Variants in RIMBP2 observed in about 807,000 individuals in gnomAD.
RIMBP2 encodes RIMS-binding protein 2.
Under a neutral mutation model 118.6 loss-of-function variants are expected in RIMBP2, and 48 were observed. The ratio of observed to expected loss-of-function variants is 0.40; its 90% CI spans 0.32 to 0.51. The LOEUF (loss-of-function observed/expected upper bound fraction) is 0.51. RIMBP2 is among the 20% of genes least tolerant of loss of function. The probability of loss-of-function intolerance (pLI) is 0.41; values close to 1 mark genes in which losing one functional copy is unlikely to be tolerated. For synonymous variants in RIMBP2, 762 were observed against 742.9 expected, an observed-to-expected ratio of 1.03 and a Z score of -0.42; for missense variants, 1,551 against 1,768.3, an observed-to-expected ratio of 0.88 and a Z score of 2.20.
At chr12:130,594,441 T>C (rs553254853) in intron 2 of RIMBP2, among the ~76,000 whole-genome samples, 2 of 152,376 alleles carry the variant, frequency 1.3e-5, no homozygotes, top group East Asian at 3.9e-4. Flanking sequence ...GAGGTTTACT[T>C]GTATAATACT....
intron 2 of RIMBP2, among the ~76,000 whole-genome samples, chr12:130,589,305 CTTTGTTCTGT>C (rs1375799155): frequency 6.6e-6 from 1 of 152,172 alleles, no homozygotes; most frequent in Non-Finnish European, 1.5e-5. Context: ...ACAACACACG[CTTTGTTCTGT>C]TTTGTTTTGC....
chr12:130,701,723 A>C (rs1703521115), intron 1 of RIMBP2, among the ~76,000 whole-genome samples: 1 of 152,022 alleles, frequency 6.6e-6, no homozygotes, highest in African/African-American at 2.4e-5. Context: ...TGCAAAATTC[A>C]TTGTTTTTCT....
Position 130,447,803 on chromosome 12 carries a change from G to A in RIMBP2, c.581+2397C>T, listed in dbSNP as rs1202662717. Among the ~76,000 whole-genome samples, 2 of 152,194 alleles carry A rather than the reference G, an allele frequency of 1.3e-5. No homozygotes were observed. Among genetic ancestry groups the A allele is most frequent in the East Asian group, 3.9e-4 (2 of 5,190 alleles). ...CCCCACGGCGGAGGCTGCACCAGAT[G>A]GAAGGGAGGAGACATGGACACAGAG... On this transcript the variant is annotated intron_variant, in intron 9 of 22. Coordinates refer to ENST00000690449, the MANE Select transcript of RIMBP2 (RefSeq NM_001393629.1). This position sits in a 1 kb window ranked among gnomAD's most constrained non-coding sequence, Gnocchi z 4.4.
At position 130,464,496 on chromosome 12, in the gene RIMBP2, C is replaced by T. The variant is rs112983835; in HGVS notation, c.153+6197G>A. On this transcript the variant is annotated intron_variant, in intron 6 of 22. Transcript: ENST00000690449. Reference sequence around the variant, plus strand: ...AATACCTACTATGTGCCAGGCCCTACGTGATTTCATTGATCACTGGCTGAA... The same window carrying T: ...AATACCTACTATGTGCCAGGCCCTATGTGATTTCATTGATCACTGGCTGAA... 8.6e-5 allele frequency among the ~76,000 whole-genome samples: 13 copies of T among 151,722 alleles called. 1 individual carries two copies. The highest frequency in any genetic ancestry group is 1.2e-4 in the African/African-American group (5 of 41,372).
intron 1 of RIMBP2, among the ~76,000 whole-genome samples, chr12:130,693,165 C>T (rs558255225): frequency 1.3e-5 from 2 of 152,124 alleles, no homozygotes; most frequent in Non-Finnish European, 2.9e-5. Flanking sequence ...AAACACTCGT[C>T]TGTCTCCCCA....
At chr12:130,399,863 C>T in intron 21 of RIMBP2, 50 bp from the exon 22 acceptor site, 2 of 1,602,922 alleles carry the variant, frequency 1.2e-6, no homozygotes, top group Non-Finnish European at 1.7e-6. Flanking sequence ...TCTAGAAACC[C>T]ACATCTTGCT....
chr12:130,642,969 G>A (rs2062690762), intron 1 of RIMBP2, among the ~76,000 whole-genome samples: 1 of 152,184 alleles, frequency 6.6e-6, no homozygotes, highest in African/African-American at 2.4e-5. Flanking sequence ...TCCCCAGAAT[G>A]GCATGAATTT....
chr12:130,568,222 T>C (rs11061001), intron 2 of RIMBP2, among the ~76,000 whole-genome samples: 82,166 of 151,996 alleles, frequency 0.54, 23,310 homozygotes, highest in Middle Eastern at 0.65. Flanking sequence ...CCAACCAACC[T>C]TGCAAGAGGG....
intron 1 of RIMBP2, among the ~76,000 whole-genome samples, chr12:130,664,611 G>A (rs1469495584): frequency 6.6e-6 from 1 of 151,538 alleles, no homozygotes; most frequent in Non-Finnish European, 1.5e-5. Flanking sequence ...AGAAGCACGG[G>A]CTCCTTCAGG....
At chr12:130,672,225 A>T (rs554849780) in intron 1 of RIMBP2, among the ~76,000 whole-genome samples, 2 of 152,346 alleles carry the variant, frequency 1.3e-5, no homozygotes, top group African/African-American at 4.8e-5. Flanking sequence ...TTCTAAGGAA[A>T]TTTCCACAGA....
Position 130,399,730 on chromosome 12 carries a change from A to C in RIMBP2, c.3849T>G (p.Asp1283Glu), listed in dbSNP as rs764667919. The C allele has an allele frequency of 6.2e-7, 1 of 1,614,220 alleles. No individual in the cohort carries two copies. Among genetic ancestry groups the C allele is most frequent in the Non-Finnish European group, 8.5e-7 (1 of 1,180,030 alleles). The change falls in exon 22 of 23, where the codon GAT (aspartate) becomes GAG (glutamate). Residue 1283 changes from aspartate to glutamate, a missense_variant. Coordinates refer to ENST00000690449, the MANE Select transcript of RIMBP2 (RefSeq NM_001393629.1). ...VPDDVEVYLS[D>E]APSHYSQDTP... ...TATCTTGAGAGTAGTGGGATGGAGC[A>C]TCAGAAAGATAGACTTCTACGTCAT...
rs549619937 is a variant in RIMBP2 at position 130,547,994 on chromosome 12, G to T, written c.-216-30077C>A. ...ACAGACCTCCATGTATGGGGCTAAG[G>T]ATGATCGTATGTCAAGTAGTAGACA... On this transcript the variant is annotated intron_variant, in intron 2 of 22. Coordinates refer to ENST00000690449, the MANE Select transcript of RIMBP2 (RefSeq NM_001393629.1). 1.3e-4 allele frequency among the ~76,000 whole-genome samples: 20 copies of T among 152,282 alleles called. No individual in the cohort carries two copies. The South Asian group carries it at 4.1e-3, about 32-fold the overall frequency.
At chr12:130,605,995 G>C (rs1320132106) in intron 2 of RIMBP2, among the ~76,000 whole-genome samples, 1 of 152,076 alleles carries the variant, frequency 6.6e-6, no homozygotes, top group Non-Finnish European at 1.5e-5. Context: ...TTGAACCCAG[G>C]AGGCAGAGGT....
At chr12:130,567,355 G>A (rs2057292290) in intron 2 of RIMBP2, among the ~76,000 whole-genome samples, 1 of 152,174 alleles carries the variant, frequency 6.6e-6, no homozygotes, top group South Asian at 2.1e-4. Flanking sequence ...TACTAGAAAG[G>A]CTGATGCTTA....
At chr12:130,654,428 A>C (rs534584828) in intron 1 of RIMBP2, among the ~76,000 whole-genome samples, 24 of 152,146 alleles carry the variant, frequency 1.6e-4, no homozygotes, top group Non-Finnish European at 2.5e-4. Flanking sequence ...AGTTCCCTTA[A>C]CTTTCTCATT....
At chr12:130,632,340 A>G (rs964564901) in intron 1 of RIMBP2, among the ~76,000 whole-genome samples, 4 of 152,252 alleles carry the variant, frequency 2.6e-5, no homozygotes, top group Admixed American at 2.0e-4. Context: ...ATTAAGAATA[A>G]CATGAAAAAA....
chr12:130,692,743 G>A (rs1322774404), intron 1 of RIMBP2, among the ~76,000 whole-genome samples: 1 of 151,908 alleles, frequency 6.6e-6, no homozygotes, highest in Admixed American at 6.6e-5. Flanking sequence ...TAGGTGGAAT[G>A]GGGTAGAATA....
At chr12:130,518,580 T>C (rs1445794233) in intron 2 of RIMBP2, among the ~76,000 whole-genome samples, 1 of 152,166 alleles carries the variant, frequency 6.6e-6, no homozygotes, top group Non-Finnish European at 1.5e-5. Context: ...AGAGCTTTTA[T>C]GGGGTCATGC....
Position 130,450,472 on chromosome 12 carries a change from C to T in RIMBP2, c.505-196G>A, listed in dbSNP as rs1220567607. ...AAGGAGGGTGGTCCCTCGGTGTGGA[C>T]CCCTTATTACATAGGCCCCCTCTGT... is the stretch of plus-strand genomic sequence containing the variant. On this transcript the variant is annotated intron_variant, in intron 8 of 22. Transcript: ENST00000690449. This position sits in a 1 kb window ranked among gnomAD's most constrained non-coding sequence, Gnocchi z 4.8. 6.6e-6 allele frequency among the ~76,000 whole-genome samples: 1 copy of T among 151,938 alleles called. No homozygotes were observed. The highest frequency in any genetic ancestry group is 2.4e-5 in the African/African-American group (1 of 41,374).
Sources: gnomAD v4.1 joint callset for allele counts (sites outside exome capture counted in the v4.1 genomes callset) on GRCh38, gnomAD v4.1.1 for gene constraint, Gnocchi (gnomAD v3.1) non-coding constraint, MANE v1.5 for transcripts, NCBI Gene and HGNC (gene_info 2026-07-23, HGNC 2026-07-21) for gene names.